REDIC1: variants seen among roughly 807,000 people sequenced by gnomAD.
The protein encoded by REDIC1 is regulator of DNA class I crossover intermediates 1, also known as HEI10 Interacting Protein 1.
the REDIC1 span, among the ~76,000 whole-genome samples, chr12:39,714,240 T>C: frequency 9.9e-5 from 14 of 141,346 alleles, 3 homozygotes; most frequent in East Asian, 1.0e-3. Context: ...TATATGTATA[T>C]ATGTATATAC....
At chr12:39,798,429 C>T in the REDIC1 span, among the ~76,000 whole-genome samples, 4 of 152,158 alleles carry the variant, frequency 2.6e-5, no homozygotes, top group African/African-American at 7.2e-5. Flanking sequence ...AAATGAAGAT[C>T]AATTAACTTG....
chr12:39,824,485 C>A, the REDIC1 span, among the ~76,000 whole-genome samples: 2 of 152,268 alleles, frequency 1.3e-5, no homozygotes, highest in East Asian at 3.9e-4. Flanking sequence ...CTTTCTTATA[C>A]CTGTGTTCAA....
At chr12:39,711,631 GTGTA>G in the REDIC1 span, among the ~76,000 whole-genome samples, 1 of 47,132 alleles carries the variant, frequency 2.1e-5, no homozygotes, top group Non-Finnish European at 6.1e-5. Context: ...ATACACGTAT[GTGTA>G]TATGTGTATA....
At chr12:39,800,007 T>A in the REDIC1 span, among the ~76,000 whole-genome samples, 1 of 152,198 alleles carries the variant, frequency 6.6e-6, no homozygotes, top group South Asian at 2.1e-4. Context: ...ATGTCTACCT[T>A]TTTTTGCAGT....
At chr12:39,907,545 C>T in the REDIC1 span, 1 of 152,040 alleles carries the variant, frequency 6.6e-6, no homozygotes, top group Non-Finnish European at 1.5e-5. Flanking sequence ...ATAGAATCTG[C>T]CCATAATGTA....
the REDIC1 span, among the ~76,000 whole-genome samples, chr12:39,698,535 A>G: frequency 6.6e-6 from 1 of 152,266 alleles, no homozygotes; most frequent in African/African-American, 2.4e-5. Context: ...CAGTAGCTAC[A>G]GAATAGACAT....
the REDIC1 span, among the ~76,000 whole-genome samples, chr12:39,666,915 C>T: frequency 3.3e-5 from 5 of 151,954 alleles, no homozygotes; most frequent in Non-Finnish European, 7.4e-5. Context: ...TAGTGATATC[C>T]CCTTTATCAT....
chr12:39,712,915 ACATATGTG>A, the REDIC1 span, among the ~76,000 whole-genome samples: 4 of 147,790 alleles, frequency 2.7e-5, no homozygotes, highest in African/African-American at 9.8e-5. Flanking sequence ...ATACGTATAT[ACATATGTG>A]CATATACGTG....
At chr12:39,708,337 A>G in the REDIC1 span, among the ~76,000 whole-genome samples, 1 of 151,850 alleles carries the variant, frequency 6.6e-6, no homozygotes, top group Non-Finnish European at 1.5e-5. Context: ...ATGTTTTGCT[A>G]TGTGGCAAAT....
the REDIC1 span, chr12:39,736,719 C>A: frequency 6.6e-6 from 1 of 152,158 alleles, no homozygotes; most frequent in Non-Finnish European, 1.5e-5. Flanking sequence ...GGACACATGC[C>A]GTGGGTATCC....
chr12:39,645,993 G>C, the REDIC1 span, among the ~76,000 whole-genome samples: 1 of 151,960 alleles, frequency 6.6e-6, no homozygotes, highest in Non-Finnish European at 1.5e-5. Context: ...GTAGGTGAAA[G>C]TACTGACCAG....
the REDIC1 span, among the ~76,000 whole-genome samples, chr12:39,704,788 T>G: frequency 6.6e-6 from 1 of 152,130 alleles, no homozygotes; most frequent in African/African-American, 2.4e-5. Flanking sequence ...TGGATGAAAT[T>G]GGAAATCATC....
the REDIC1 span, among the ~76,000 whole-genome samples, chr12:39,897,073 G>A: frequency 6.6e-6 from 1 of 152,146 alleles, no homozygotes; most frequent in South Asian, 2.1e-4. Flanking sequence ...GAACAAACTA[G>A]TTGATGGTTA....
At chr12:39,714,129 A>G in the REDIC1 span, among the ~76,000 whole-genome samples, 1 of 150,844 alleles carries the variant, frequency 6.6e-6, no homozygotes, top group South Asian at 2.1e-4. Context: ...ATATGTATAT[A>G]TGTACATACG....
At chr12:39,696,557 A>T in the REDIC1 span, among the ~76,000 whole-genome samples, 20 of 136,106 alleles carry the variant, frequency 1.5e-4, no homozygotes, top group East Asian at 2.2e-3. Context: ...AAAAAAAAAA[A>T]AAAAAAAAAA....
At chr12:39,645,652 A>G in the REDIC1 span, among the ~76,000 whole-genome samples, 3 of 152,114 alleles carry the variant, frequency 2.0e-5, no homozygotes, top group African/African-American at 7.2e-5. Flanking sequence ...ACTGGTACCA[A>G]TCTCACAGTG....
chr12:39,733,713 A>G, the REDIC1 span, among the ~76,000 whole-genome samples: 1 of 152,094 alleles, frequency 6.6e-6, no homozygotes, highest in African/African-American at 2.4e-5. Context: ...TGAGGGGAAA[A>G]TTACCTACTC....
the REDIC1 span, among the ~76,000 whole-genome samples, chr12:39,648,618 A>G: frequency 6.6e-6 from 1 of 151,490 alleles, no homozygotes; most frequent in African/African-American, 2.4e-5. Flanking sequence ...AAATGTTACT[A>G]TACTAATGTC....
chr12:39,698,131 G>T, the REDIC1 span, among the ~76,000 whole-genome samples: 6 of 152,066 alleles, frequency 3.9e-5, no homozygotes, highest in African/African-American at 1.4e-4. Flanking sequence ...CAAATTTCAA[G>T]ACAAAAATTA....
Sources: allele counts gnomAD v4.1 joint callset (sites outside exome capture counted in the v4.1 genomes callset), GRCh38; gene constraint gnomAD v4.1.1; transcripts MANE v1.5; gene names NCBI Gene and HGNC (gene_info 2026-07-23, HGNC 2026-07-21).